Variants in EHBP1 observed in about 807,000 individuals in gnomAD.
EHBP1 encodes EH domain-binding protein 1.
In EHBP1, 55 loss-of-function variants were observed where a neutral mutation model predicts 144.0. The observed-to-expected ratio is 0.38, with a 90% confidence interval of 0.31 to 0.48. EHBP1 has a LOEUF of 0.48. EHBP1 is among the 20% of genes least tolerant of loss of function. The pLI is 0.98. For missense variants in EHBP1, 1,200 were observed against 1,364.2 expected (o/e 0.88, Z 1.90); for synonymous variants, 469 against 472.7 (o/e 0.99, Z 0.10).
At chr2:62,992,403 G>A (rs1475627630) in intron 16 of EHBP1, among the ~76,000 whole-genome samples, 2 of 152,024 alleles carry the variant, frequency 1.3e-5, no homozygotes, top group Non-Finnish European at 2.9e-5. Flanking sequence ...TGGTTTATCT[G>A]TATAGATAAA....
intron 19 of EHBP1, among the ~76,000 whole-genome samples, chr2:63,007,211 A>G (rs2060077064): frequency 6.6e-6 from 1 of 151,888 alleles, no homozygotes; most frequent in South Asian, 2.1e-4. Context: ...GCAGTAAGGG[A>G]AGAAAAAGTG....
At chr2:62,677,203 A>G (rs190509068) in intron 1 of EHBP1, among the ~76,000 whole-genome samples, 1 of 152,208 alleles carries the variant, frequency 6.6e-6, no homozygotes, top group African/African-American at 2.4e-5. Flanking sequence ...CAAAACAAAC[A>G]AACAAAAAAC....
intron 5 of EHBP1, among the ~76,000 whole-genome samples, chr2:62,820,225 G>GAAAAAAAAAAAAAAAAAAAAAAAAAAAAA (rs372533264): frequency 2.0e-5 from 2 of 100,668 alleles, no homozygotes; most frequent in African/African-American, 3.9e-5. Flanking sequence ...AAAAAAAAAA[G>GAAAAAAAAAAAAAAAAAAAAAAAAAAAAA]AAAAAAAAAA....
intron 5 of EHBP1, among the ~76,000 whole-genome samples, chr2:62,815,712 A>G (rs1275041603): frequency 1.3e-5 from 2 of 152,228 alleles, no homozygotes; most frequent in Non-Finnish European, 1.5e-5. Context: ...TTATATGTCA[A>G]TGACAAAGTT....
At chr2:62,896,037 T>TA (rs2052898235) in intron 10 of EHBP1, among the ~76,000 whole-genome samples, 1 of 152,164 alleles carries the variant, frequency 6.6e-6, no homozygotes, top group South Asian at 2.1e-4. Flanking sequence ...ATGGAAATAA[T>TA]AGACACTGGA....
chr2:62,837,549 T>C (rs2152695904), intron 7 of EHBP1, among the ~76,000 whole-genome samples: 1 of 152,128 alleles, frequency 6.6e-6, no homozygotes, highest in South Asian at 2.1e-4. Context: ...ACTGGCAAAT[T>C]GGATAAAGAG....
chr2:62,750,100 G>A (rs1291065609), intron 3 of EHBP1, among the ~76,000 whole-genome samples: 9 of 152,068 alleles, frequency 5.9e-5, no homozygotes, highest in Admixed American at 5.2e-4. Flanking sequence ...TTTCTTCTAG[G>A]GTTTTTATGG....
At chr2:63,003,746 C>T (rs2059930826) in intron 19 of EHBP1, among the ~76,000 whole-genome samples, 1 of 152,008 alleles carries the variant, frequency 6.6e-6, no homozygotes, top group African/African-American at 2.4e-5. Flanking sequence ...GCGGAAGAAG[C>T]CAGAGGGGAT....
intron 10 of EHBP1, among the ~76,000 whole-genome samples, chr2:62,913,618 A>G (rs2054384255): frequency 1.3e-5 from 2 of 152,204 alleles, no homozygotes; most frequent in African/African-American, 4.8e-5. Context: ...TTGGTGGGGC[A>G]TGTTTAATTA....
At chr2:63,023,243 G>T (rs2060833342) in intron 19 of EHBP1, among the ~76,000 whole-genome samples, 1 of 152,108 alleles carries the variant, frequency 6.6e-6, no homozygotes, top group South Asian at 2.1e-4. Flanking sequence ...TGTAATGTTT[G>T]CTTAATAGTT....
Position 62,993,586 on chromosome 2 carries a change from A to G in EHBP1, c.2790A>G (p.Arg930=), listed in dbSNP as rs1419419494. The stretch of plus-strand genomic sequence containing the variant: ...TACAAAAAACAACAGAACGTTTTAG[A>G]AATCCTGTTGTGTTCAGCAAAGATT... ...ERLQKTTERF[R]NPVVFSKDST... is the part of the protein sequence containing the mutation. The change falls in exon 17 of 23, where the codon AGA becomes AGG. Residue 930 remains arginine, a synonymous_variant. Transcript: ENST00000431489. 2 of 1,609,836 alleles carry G rather than the reference A, an allele frequency of 1.2e-6. No individual in the cohort carries two copies. Among genetic ancestry groups the G allele is most frequent in the Non-Finnish European group, 8.5e-7 (1 of 1,177,370 alleles).
rs185528646 is a variant in EHBP1 at position 63,002,416 on chromosome 2, A to G, written c.3103+5650A>G. Among the ~76,000 whole-genome samples, 13 of 152,220 alleles carry G rather than the reference A, an allele frequency of 8.5e-5. No homozygotes were observed. The East Asian group carries it at 1.7e-3, about 20-fold the overall frequency. The stretch of plus-strand genomic sequence containing the variant: ...GAAAATGTGATCTTGATCTTTTTCA[A>G]TACAAAAATGTAATCTCAGCTATTT... On this transcript the variant is annotated intron_variant, in intron 19 of 22. Transcript: ENST00000431489.
At chr2:62,741,727 C>T (rs1012038511) in intron 2 of EHBP1, among the ~76,000 whole-genome samples, 2 of 151,936 alleles carry the variant, frequency 1.3e-5, no homozygotes, top group Non-Finnish European at 2.9e-5. Flanking sequence ...CCTCCTTATC[C>T]GCAGGTTCTG....
intron 7 of EHBP1, among the ~76,000 whole-genome samples, chr2:62,846,403 A>G (rs1473371910): frequency 2.0e-5 from 3 of 152,244 alleles, no homozygotes; most frequent in Non-Finnish European, 4.4e-5. Flanking sequence ...GAAAAAAATT[A>G]TATAGTCAAT....
At chr2:62,910,625 G>A (rs969233785) in intron 10 of EHBP1, among the ~76,000 whole-genome samples, 12 of 151,006 alleles carry the variant, frequency 7.9e-5, no homozygotes, top group Non-Finnish European at 1.5e-5. Flanking sequence ...ATTGCTACTC[G>A]TGGCAGCTTT....
intron 10 of EHBP1, among the ~76,000 whole-genome samples, chr2:62,920,563 G>A (rs2054989835): frequency 6.6e-6 from 1 of 152,140 alleles, no homozygotes; most frequent in South Asian, 2.1e-4. Context: ...AGATAGGTGG[G>A]CAATTATAAA....
intron 5 of EHBP1, among the ~76,000 whole-genome samples, chr2:62,779,260 G>A (rs1039141506): frequency 2.0e-5 from 3 of 152,048 alleles, no homozygotes; most frequent in Admixed American, 6.6e-5. Context: ...TTTCCACTAG[G>A]CAGCATACTC....
At chr2:62,877,123 A>G (rs2050950064) in intron 10 of EHBP1, among the ~76,000 whole-genome samples, 1 of 152,210 alleles carries the variant, frequency 6.6e-6, no homozygotes, top group Non-Finnish European at 1.5e-5. Context: ...TCTCACATGC[A>G]TTGACACCCA....
intron 1 of EHBP1, among the ~76,000 whole-genome samples, chr2:62,688,716 A>G (rs2033804861): frequency 6.6e-6 from 1 of 152,118 alleles, no homozygotes; most frequent in Admixed American, 6.5e-5. Flanking sequence ...ACAGATGAGA[A>G]CAGGCAATGT....
Sources: gnomAD v4.1 joint callset for allele counts (sites outside exome capture counted in the v4.1 genomes callset) on GRCh38, gnomAD v4.1.1 for gene constraint, MANE v1.5 for transcripts, NCBI Gene and HGNC (gene_info 2026-07-23, HGNC 2026-07-21) for gene names.